The following SLC9A7 variants were observed in gnomAD, a reference collection of about 807,000 sequenced individuals.
SLC9A7 encodes the protein sodium/hydrogen exchanger 7.
Under a neutral mutation model 52.6 loss-of-function variants are expected in SLC9A7, and 19 were observed. The observed-to-expected ratio is 0.36, with a 90% CI of 0.25 to 0.53. The LOEUF (loss-of-function observed/expected upper bound fraction) is 0.53. Ranked by LOEUF, SLC9A7 falls within the 20% of genes least tolerant of loss-of-function variation. SLC9A7 has a pLI of 0.91. For missense variants in SLC9A7, 455 were observed against 597.9 expected (o/e 0.76, Z 2.49); for synonymous variants, 226 against 252.1 (o/e 0.90, Z 0.98).
intron 1 of SLC9A7, among the ~76,000 whole-genome samples, chrX:46,738,031 A>AAAAGAAAGAAAGAAAG (rs58544637): frequency 4.3e-5 from 3 of 70,393 alleles, no homozygotes; most frequent in East Asian, 5.1e-4. Flanking sequence ...TGTCTCAAAA[A>AAAAGAAAGAAAGAAAG]AAAGAAAGAA....
chrX:46,709,717 T>C (rs1331669397), intron 1 of SLC9A7, among the ~76,000 whole-genome samples: 1 of 112,179 alleles, frequency 8.9e-6, no homozygotes, highest in Admixed American at 9.4e-5. Flanking sequence ...CATAGCTAAC[T>C]GAAGGTGAAT....
intron 1 of SLC9A7, among the ~76,000 whole-genome samples, chrX:46,726,020 C>T (rs1376153741): frequency 9.0e-6 from 1 of 111,312 alleles, no homozygotes; most frequent in Non-Finnish European, 1.9e-5. Context: ...CTTCTTTGTG[C>T]CTCAATTTTC....
At chrX:46,743,087 TG>T (rs769483185) in intron 1 of SLC9A7, among the ~76,000 whole-genome samples, 10 of 109,839 alleles carry the variant, frequency 9.1e-5, no homozygotes, top group Non-Finnish European at 1.9e-4. Context: ...AAGGTAATGA[TG>T]AAAAAAATAA....
intron 12 of SLC9A7, among the ~76,000 whole-genome samples, chrX:46,642,295 GA>G (rs1312770847): frequency 6.2e-5 from 7 of 113,017 alleles, no homozygotes; most frequent in African/African-American, 2.2e-4. Context: ...AGCAGAGAAA[GA>G]AAAACCATTG....
rs1216624968 is a variant in SLC9A7 at position 46,603,652 on chromosome X, C to T, written c.*3300G>A. The stretch of plus-strand genomic sequence containing the variant: ...AGCAGATCGAGACCATCCTGCCCAA[C>T]ATGGTGAAACTCTGTCTCTACTAAA... On this transcript the variant is annotated 3_prime_UTR_variant, in exon 17 of 17. Coordinates refer to ENST00000616978, the MANE Select transcript of SLC9A7 (RefSeq NM_001257291.2). 9.0e-6 allele frequency: 1 copy of T among 111,530 alleles called. No homozygotes were observed. The highest frequency in any genetic ancestry group is 1.9e-5 in the Non-Finnish European group (1 of 53,100). 9.2% of individuals were successfully genotyped at this position (111,530 alleles called of 1,213,427 possible). A position where few individuals can be genotyped will look rare whatever the true frequency, so the allele number is the denominator to read the frequency against.
At chrX:46,647,007 CT>C in intron 11 of SLC9A7, 1 of 332,308 alleles carries the variant, frequency 3.0e-6, no homozygotes, top group Non-Finnish European at 5.8e-6. Context: ...GCCTCCAGAT[CT>C]TTACCATGCT....
At chrX:46,644,569 G>A (rs1892917789) in intron 11 of SLC9A7, among the ~76,000 whole-genome samples, 1 of 109,263 alleles carries the variant, frequency 9.2e-6, no homozygotes, top group African/African-American at 3.4e-5. Flanking sequence ...TCCTGGAGGC[G>A]GAGGTTGCAG....
At position 46,748,499 on chromosome X, in the gene SLC9A7, G is replaced by A. The variant is rs1208718896; in HGVS notation, c.325+10206C>T. On this transcript the variant is annotated intron_variant, in intron 1 of 16. Coordinates refer to ENST00000616978, the MANE Select transcript of SLC9A7 (RefSeq NM_001257291.2). ...TTCATAGTAGCATTATTCAAAAGGT[G>A]GAAATAACCCGAGTGTCCACCAACT... 2.4e-3 allele frequency among the ~76,000 whole-genome samples: 254 copies of A among 106,293 alleles called. 1 individual carries two copies. Among genetic ancestry groups the A allele is most frequent in the Admixed American group, 8.9e-3 (88 of 9,871 alleles). The allele number at this position is 106,293 out of a possible 115,157, so 92.3% of individuals were successfully genotyped here.
rs187469931 is a variant in SLC9A7 at position 46,664,360 on chromosome X, T to A, written c.794-1717A>T. On this transcript the variant is annotated intron_variant, in intron 5 of 16. Transcript: ENST00000616978. The stretch of plus-strand genomic sequence containing the variant: ...CTGAGTGTAGTATTTTTTATGATTG[T>A]AGTGGAAGCCGGGACATCAGCCCAG... Among the ~76,000 whole-genome samples, 394 of 111,725 alleles carry A rather than the reference T, an allele frequency of 3.5e-3. 1 individual carries two copies. The highest frequency in any genetic ancestry group is 0.014 in the South Asian group (37 of 2,681).
intron 15 of SLC9A7, among the ~76,000 whole-genome samples, chrX:46,614,787 G>A (rs1942917494): frequency 8.9e-6 from 1 of 111,887 alleles, no homozygotes; most frequent in Non-Finnish European, 1.9e-5. Flanking sequence ...GTGTGGAAAA[G>A]GTGGGGTCTC....
chrX:46,752,010 T>C (rs1159473409), intron 1 of SLC9A7, among the ~76,000 whole-genome samples: 1 of 111,689 alleles, frequency 9.0e-6, no homozygotes, highest in Non-Finnish European at 1.9e-5. Flanking sequence ...ATTAACTTCT[T>C]TTCCAATCTT....
chrX:46,654,982 CTTTTTTTT>C (rs60881484), intron 7 of SLC9A7, among the ~76,000 whole-genome samples: 1 of 83,623 alleles, frequency 1.2e-5, no homozygotes, highest in African/African-American at 4.7e-5. Context: ...TTCTTTCTTT[CTTTTTTTT>C]TTTTTTTTTT....
At chrX:46,626,563 C>T (rs1323572607) in intron 14 of SLC9A7, among the ~76,000 whole-genome samples, 7 of 112,935 alleles carry the variant, frequency 6.2e-5, no homozygotes. Context: ...GTGTGAGCCA[C>T]CACGCCCGGC....
intron 13 of SLC9A7, 36 bp from the exon 14 acceptor site, chrX:46,631,685 C>A: frequency 5.4e-6 from 6 of 1,119,487 alleles, no homozygotes; most frequent in Non-Finnish European, 6.1e-6. Context: ...AAGAGAAAAA[C>A]AGAGCGTATT....
At chrX:46,737,909 C>A (rs1478457970) in intron 1 of SLC9A7, among the ~76,000 whole-genome samples, 1 of 108,639 alleles carries the variant, frequency 9.2e-6, no homozygotes, top group Non-Finnish European at 1.9e-5. Context: ...CACCTATAGT[C>A]CCAGCTACTT....
At chrX:46,655,719 G>A (rs774759624) in intron 7 of SLC9A7, among the ~76,000 whole-genome samples, 120 of 112,739 alleles carry the variant, frequency 1.1e-3, no homozygotes, top group African/African-American at 3.0e-3. Flanking sequence ...TTGGAGGGAC[G>A]TACACCCATG....
chrX:46,672,276 C>A (rs1232366145), intron 4 of SLC9A7, among the ~76,000 whole-genome samples: 1 of 111,575 alleles, frequency 9.0e-6, no homozygotes. Flanking sequence ...TGCCCCAGCC[C>A]TAGAATTAGC....
intron 1 of SLC9A7, among the ~76,000 whole-genome samples, chrX:46,688,223 C>T (rs1944326151): frequency 8.9e-6 from 1 of 111,735 alleles, no homozygotes; most frequent in South Asian, 3.7e-4. Flanking sequence ...TATGATAAAT[C>T]TATGTTTAAT....
chrX:46,710,719 T>C (rs138646657), intron 1 of SLC9A7, among the ~76,000 whole-genome samples: 4 of 104,992 alleles, frequency 3.8e-5, no homozygotes, highest in African/African-American at 1.4e-4. Context: ...ACAGTGGCTG[T>C]TAGTGGGGAG....
Sources: gnomAD v4.1 joint callset for allele counts (sites outside exome capture counted in the v4.1 genomes callset) on GRCh38, gnomAD v4.1.1 for gene constraint, MANE v1.5 for transcripts, NCBI Gene and HGNC (gene_info 2026-07-23, HGNC 2026-07-21) for gene names.